Variants in DGKH observed in about 807,000 individuals in gnomAD.
DGKH encodes the protein DAG kinase eta.
A neutral mutation model predicts 159.3 loss-of-function variants in DGKH; 90 were observed. That is an observed-to-expected ratio of 0.57 (90% confidence interval 0.48 to 0.67). DGKH has a LOEUF of 0.67. Ranked by LOEUF, DGKH falls within the 30% of genes least tolerant of loss-of-function variation. DGKH has a pLI of 0.00. For missense variants in DGKH, 1,181 were observed against 1,506.1 expected, an observed-to-expected ratio of 0.78 and a Z score of 3.57; for synonymous variants, 536 against 553.8, an observed-to-expected ratio of 0.97 and a Z score of 0.45.
At chr13:42,092,448 A>G (rs1379618153) in intron 1 of DGKH, among the ~76,000 whole-genome samples, 1 of 152,226 alleles carries the variant, frequency 6.6e-6, no homozygotes, top group East Asian at 1.9e-4. Flanking sequence ...TTTCTGTGAC[A>G]TGGATGGAAC....
At chr13:42,256,082 A>G in intron 30 of DGKH, 1 of 1,259,358 alleles carries the variant, frequency 7.9e-7, no homozygotes, top group Admixed American at 1.7e-5. Context: ...CTTGCCTGAA[A>G]ATGAACCAGG....
chr13:42,251,625 T>G (rs1453022235), intron 29 of DGKH, among the ~76,000 whole-genome samples: 1 of 152,114 alleles, frequency 6.6e-6, no homozygotes, highest in African/African-American at 2.4e-5. Context: ...CATACAGATA[T>G]GCACACCTGT....
intron 1 of DGKH, among the ~76,000 whole-genome samples, chr13:42,054,764 A>G (rs1223926834): frequency 1.3e-5 from 2 of 152,234 alleles, no homozygotes; most frequent in South Asian, 4.1e-4. Context: ...AAAATTAAGT[A>G]TGTGAGGTGA....
intron 21 of DGKH, 107 bp downstream of exon 21, chr13:42,206,253 T>A: frequency 1.6e-6 from 1 of 608,198 alleles, no homozygotes; most frequent in Non-Finnish European, 2.5e-6. Flanking sequence ...TCATGTTAAA[T>A]ATTTTGCATT....
chr13:42,194,132 T>G (rs1429157207), intron 16 of DGKH, among the ~76,000 whole-genome samples: 1 of 152,150 alleles, frequency 6.6e-6, no homozygotes, highest in Non-Finnish European at 1.5e-5. Context: ...GGATGCTATT[T>G]TTCTTCCATT....
In DGKH at chr13:42,239,861, T is replaced by C. The variant is rs1958484663; in HGVS notation, c.*10673T>C. On this transcript the variant is annotated 3_prime_UTR_variant, in exon 30 of 30. Coordinates refer to ENST00000337343, the MANE Select transcript of DGKH (RefSeq NM_178009.5). ...AGTATCCTCACCAACCTTCCCTCTG[T>C]TGACTTTTGTAATCCAGGAATTTGG... is the stretch of plus-strand genomic sequence containing the variant. The C allele has an allele frequency of 5.3e-5, 8 of 152,224 alleles. No homozygotes were observed. The highest frequency in any genetic ancestry group is 5.2e-4 in the Admixed American group (8 of 15,278). 9.4% of individuals were successfully genotyped at this position (152,224 alleles called of 1,614,324 possible). A position where few individuals can be genotyped will look rare whatever the true frequency, so the allele number is the denominator to read the frequency against.
intron 1 of DGKH, among the ~76,000 whole-genome samples, chr13:42,095,991 A>G (rs1954524310): frequency 6.6e-6 from 1 of 152,198 alleles, no homozygotes; most frequent in African/African-American, 2.4e-5. Flanking sequence ...TAGAATTGAA[A>G]ACTTTTTTGA....
chr13:42,117,691 G>A (rs1566110372), intron 1 of DGKH, among the ~76,000 whole-genome samples: 1 of 152,022 alleles, frequency 6.6e-6, no homozygotes, highest in East Asian at 1.9e-4. Flanking sequence ...CACATCACAG[G>A]AGATTAATAC....
chr13:42,146,466 G>A (rs1179341060), intron 3 of DGKH, among the ~76,000 whole-genome samples: 1 of 152,200 alleles, frequency 6.6e-6, no homozygotes, highest in Non-Finnish European at 1.5e-5. Flanking sequence ...ATGTATACAA[G>A]GATATGATTG....
At chr13:42,063,566 A>G (rs1882338332) in intron 1 of DGKH, among the ~76,000 whole-genome samples, 1 of 152,202 alleles carries the variant, frequency 6.6e-6, no homozygotes, top group Admixed American at 6.5e-5. Flanking sequence ...AGGAGGGAAA[A>G]AATGAAGCAG....
intron 1 of DGKH, among the ~76,000 whole-genome samples, chr13:42,112,729 A>C (rs1430134070): frequency 1.3e-5 from 2 of 152,140 alleles, no homozygotes; most frequent in Admixed American, 6.5e-5. Flanking sequence ...AACATCCCTC[A>C]CCGCCATTCT....
chr13:42,219,244 A>G lies in DGKH; in HGVS notation c.3228A>G (p.Pro1076=). 1 of 1,613,676 alleles carries G rather than the reference A, an allele frequency of 6.2e-7. No individual in the cohort carries two copies. The highest frequency in any genetic ancestry group is 8.5e-7 in the Non-Finnish European group (1 of 1,179,810). ...CTGGTAAATAGCAGCTGGAATCGCCACATGAAGAGCGAGTATCCAATGCCT... is the reference window on the plus strand; with the variant it reads ...CTGGTAAATAGCAGCTGGAATCGCCGCATGAAGAGCGAGTATCCAATGCCT... ...VGRVPLQLES[P]HEERVSNALH... is the part of the protein sequence containing the mutation. Residue 1076 remains proline, a synonymous_variant, in exon 27 of 30, where the codon CCA becomes CCG. Coordinates refer to ENST00000337343, the MANE Select transcript of DGKH (RefSeq NM_178009.5).
chr13:42,222,226 T>C (rs1418252982), intron 29 of DGKH, among the ~76,000 whole-genome samples: 1 of 152,182 alleles, frequency 6.6e-6, no homozygotes, highest in Non-Finnish European at 1.5e-5. Flanking sequence ...TTCCAATAAG[T>C]AGTAACGTTT....
chr13:42,248,502 A>G (rs1013671444), intron 29 of DGKH, among the ~76,000 whole-genome samples: 1 of 147,290 alleles, frequency 6.8e-6, no homozygotes, highest in African/African-American at 2.5e-5. Flanking sequence ...TATAATTTAT[A>G]ATTAAATAAT....
At chr13:42,074,389 G>C (rs1883167491) in intron 1 of DGKH, among the ~76,000 whole-genome samples, 1 of 152,010 alleles carries the variant, frequency 6.6e-6, no homozygotes, top group Non-Finnish European at 1.5e-5. Flanking sequence ...AAAAGTTCAG[G>C]TATCTCATTC....
At chr13:42,071,801 T>C (rs545447937) in intron 1 of DGKH, among the ~76,000 whole-genome samples, 1 of 152,176 alleles carries the variant, frequency 6.6e-6, no homozygotes, top group Non-Finnish European at 1.5e-5. Context: ...TCTCTGGCTG[T>C]GCTGGCGGCA....
chr13:42,117,964 T>TC (rs1268023059), intron 1 of DGKH, among the ~76,000 whole-genome samples: 1 of 152,100 alleles, frequency 6.6e-6, no homozygotes, highest in African/African-American at 2.4e-5. Flanking sequence ...ACACCTGTAA[T>TC]CCCAGCACTT....
intron 1 of DGKH, among the ~76,000 whole-genome samples, chr13:42,096,331 A>G (rs945417307): frequency 1.3e-5 from 2 of 152,038 alleles, no homozygotes; most frequent in Admixed American, 6.6e-5. Context: ...ATAAATGAGA[A>G]CAGGCAGTAT....
chr13:42,078,244 T>A (rs992773904), intron 1 of DGKH, among the ~76,000 whole-genome samples: 1 of 152,194 alleles, frequency 6.6e-6, no homozygotes, highest in Non-Finnish European at 1.5e-5. Flanking sequence ...TCTTAAAAAA[T>A]TCCTGAGAGG....
Sources: allele counts gnomAD v4.1 joint callset (sites outside exome capture counted in the v4.1 genomes callset), GRCh38; gene constraint gnomAD v4.1.1; transcripts MANE v1.5; gene names NCBI Gene and HGNC (gene_info 2026-07-23, HGNC 2026-07-21).